Variants in EPS8 observed in about 807,000 individuals in gnomAD.
The protein encoded by EPS8 is epidermal growth factor receptor kinase substrate 8.
Under a neutral mutation model 103.8 loss-of-function variants are expected in EPS8, and 42 were observed. The ratio of observed to expected loss-of-function variants is 0.40; its 90% CI spans 0.32 to 0.52. EPS8 has a LOEUF of 0.52. EPS8 is among the 20% of genes least tolerant of loss of function. EPS8 has a pLI of 0.40. For missense variants in EPS8, 969 were observed against 1,005.1 expected (o/e 0.96, Z 0.49); for synonymous variants, 344 against 344.6 (o/e 1.00, Z 0.02).
At chr12:15,729,444 T>C (rs1946689324) in intron 1 of EPS8, among the ~76,000 whole-genome samples, 1 of 152,186 alleles carries the variant, frequency 6.6e-6, no homozygotes, top group Non-Finnish European at 1.5e-5. Context: ...TCTGTTTCAG[T>C]TTTTTCCTTC....
chr12:15,686,362 C>T (rs1213489052), intron 1 of EPS8, among the ~76,000 whole-genome samples: 8 of 152,244 alleles, frequency 5.3e-5, no homozygotes, highest in East Asian at 1.9e-4. Flanking sequence ...AAGTTATACA[C>T]AGATTTTTGA....
chr12:15,675,475 C>CT (rs1945887214), intron 3 of EPS8, among the ~76,000 whole-genome samples: 1 of 152,158 alleles, frequency 6.6e-6, no homozygotes. Flanking sequence ...TGGCACACGC[C>CT]TATAATCTCA....
At chr12:15,686,900 A>AT (rs914105600) in intron 1 of EPS8, among the ~76,000 whole-genome samples, 3 of 152,072 alleles carry the variant, frequency 2.0e-5, no homozygotes, top group Non-Finnish European at 2.9e-5. Context: ...AATATCACAG[A>AT]TTTTTTTATC....
intron 1 of EPS8, among the ~76,000 whole-genome samples, chr12:15,729,407 T>G (rs1946688683): frequency 6.6e-6 from 1 of 152,232 alleles, no homozygotes; most frequent in South Asian, 2.1e-4. Context: ...TTACACCTTT[T>G]GTAATTGTCT....
In EPS8 at chr12:15,776,719, A is replaced by G. The variant is rs150618328; in HGVS notation, c.-22+12442T>C. ...CAAAGTTCCCTAGATATAGCTTATG[A>G]AGAGCACAGTGTTAGTAAAAATGGC... On this transcript the variant is annotated intron_variant, in intron 1 of 20. Coordinates refer to ENST00000281172, the MANE Select transcript of EPS8 (RefSeq NM_004447.6). The surrounding 1 kb of genome is among the most constrained non-coding windows in gnomAD (Gnocchi z 4.2). Among the ~76,000 whole-genome samples the G allele has an allele frequency of 1.0e-3, 159 of 152,342 alleles. No homozygotes were observed. The highest frequency in any genetic ancestry group is 3.7e-3 in the African/African-American group (152 of 41,578).
At chr12:15,666,008 T>C in intron 7 of EPS8, 116 bp from the exon 8 acceptor site, 2 of 1,072,544 alleles carry the variant, frequency 1.9e-6, no homozygotes, top group South Asian at 1.6e-5. Context: ...CAAGGGACAA[T>C]AAGGATTTCC....
intron 1 of EPS8, among the ~76,000 whole-genome samples, chr12:15,691,864 G>T (rs992569209): frequency 4.6e-5 from 7 of 151,860 alleles, no homozygotes; most frequent in Non-Finnish European, 1.0e-4. Context: ...CCAACTCTTA[G>T]TGATCCTATG....
intron 3 of EPS8, among the ~76,000 whole-genome samples, chr12:15,677,822 T>C (rs1945935735): frequency 6.6e-6 from 1 of 152,154 alleles, no homozygotes; most frequent in Non-Finnish European, 1.5e-5. Context: ...CTCTGAGAGT[T>C]CTCAGAAAAT....
At position 15,727,625 on chromosome 12, in the gene EPS8, C is replaced by T. The variant is rs1049875817; in HGVS notation, c.-21-44653G>A. Among the ~76,000 whole-genome samples the T allele has an allele frequency of 6.6e-6, 1 of 152,074 alleles. No individual in the cohort carries two copies. The highest frequency in any genetic ancestry group is 1.5e-5 in the Non-Finnish European group (1 of 68,022). ...CTGTAATTCCAGCACCTTGGGAGGC[C>T]GAGGTGGGCGGATCACGAGGTCAGG... On this transcript the variant is annotated intron_variant, in intron 1 of 20. Coordinates refer to ENST00000281172, the MANE Select transcript of EPS8 (RefSeq NM_004447.6). This position sits in a 1 kb window ranked among gnomAD's most constrained non-coding sequence, Gnocchi z 4.3.
intron 1 of EPS8, among the ~76,000 whole-genome samples, chr12:15,722,330 C>G (rs534288951): frequency 2.0e-5 from 3 of 152,086 alleles, no homozygotes; most frequent in African/African-American, 7.2e-5. Flanking sequence ...AATTACCCCC[C>G]CCAAAAATTA....
In EPS8 at chr12:15,749,580, T is replaced by G. The variant is rs936259266; in HGVS notation, c.-22+39581A>C. Among the ~76,000 whole-genome samples, 8 of 152,198 alleles carry G rather than the reference T, an allele frequency of 5.3e-5. No individual in the cohort carries two copies. Among genetic ancestry groups the G allele is most frequent in the African/African-American group, 1.9e-4 (8 of 41,434 alleles). On this transcript the variant is annotated intron_variant, in intron 1 of 20. Transcript: ENST00000281172. The surrounding 1 kb of genome is among the most constrained non-coding windows in gnomAD (Gnocchi z 4.0). ...ATCTTCTTCACTCTGGCTGCGACTA[T>G]GCCTCACTCAGAGAAGGGACTCAAT...
At chr12:15,638,342 T>C (rs1040329274) in intron 17 of EPS8, among the ~76,000 whole-genome samples, 17 of 152,178 alleles carry the variant, frequency 1.1e-4, no homozygotes, top group Admixed American at 1.0e-3. Flanking sequence ...TTATGCCAGA[T>C]AGCAGATAGC....
At position 15,789,321 on chromosome 12, in the gene EPS8, C is replaced by G. The variant is rs534271813; in HGVS notation, c.-182G>C. 62 of 152,366 alleles carry G rather than the reference C, an allele frequency of 4.1e-4. No homozygotes were observed. Among genetic ancestry groups the G allele is most frequent in the African/African-American group, 1.4e-3 (57 of 41,586 alleles). The allele number at this position is 152,366 out of a possible 1,614,324, so 9.4% of individuals were successfully genotyped here. A position where few individuals can be genotyped will look rare whatever the true frequency, so the allele number is the denominator to read the frequency against. On this transcript the variant is annotated 5_prime_UTR_variant, in exon 1 of 21. Transcript: ENST00000281172. The surrounding 1 kb of genome is among the most constrained non-coding windows in gnomAD (Gnocchi z 6.1). The stretch of plus-strand genomic sequence containing the variant: ...GCACCCAGCTAAAGAGCAGCGATCT[C>G]CGAGGCGAGCACAGCGCCGGCCTCG...
chr12:15,631,642 G>C lies in EPS8; in HGVS notation c.1844C>G (p.Pro615Arg). 1.2e-6 allele frequency: 2 copies of C among 1,613,550 alleles called. No homozygotes were observed. The highest frequency in any genetic ancestry group is 1.7e-6 in the Non-Finnish European group (2 of 1,179,766). ...TIQKQRMEYG[P>R]RPADTPPAPS... ...AGCAGGGGGAGTATCAGCTGGTCTT[G>C]GGCCATACTCCATCCTTTGTTTCTA... The change falls in exon 18 of 21, where the codon CCA (proline) becomes CGA (arginine). Residue 615 changes from proline (P) to arginine (R), a missense_variant. Pro to Arg is a moderately radical substitution (Grantham distance 103). Transcript: ENST00000281172.
At position 15,764,836 on chromosome 12, in the gene EPS8, C is replaced by G. The variant is rs953533370; in HGVS notation, c.-22+24325G>C. 2.6e-5 allele frequency among the ~76,000 whole-genome samples: 4 copies of G among 152,218 alleles called. No homozygotes were observed. Among genetic ancestry groups the G allele is most frequent in the Admixed American group, 2.0e-4 (3 of 15,282 alleles). ...CTCATACTTTCTGGGGAATGAAGATCTAATACAAGTAATTCAATAAAAAAA... is the reference window on the plus strand; with the variant it reads ...CTCATACTTTCTGGGGAATGAAGATGTAATACAAGTAATTCAATAAAAAAA... On this transcript the variant is annotated intron_variant, in intron 1 of 20. Transcript: ENST00000281172. The surrounding 1 kb of genome is among the most constrained non-coding windows in gnomAD (Gnocchi z 4.1).
chr12:15,742,564 C>T (rs1159333424), intron 1 of EPS8, among the ~76,000 whole-genome samples: 2 of 152,202 alleles, frequency 1.3e-5, no homozygotes, highest in African/African-American at 2.4e-5. Context: ...TTATCCACCA[C>T]AATCAAGTTG....
In EPS8 at chr12:15,684,426, C is replaced by A. The variant is rs969388378; in HGVS notation, c.-21-1454G>T. 1 of 152,126 alleles carries A rather than the reference C, an allele frequency of 6.6e-6. No individual in the cohort carries two copies. Among genetic ancestry groups the A allele is most frequent in the African/African-American group, 2.4e-5 (1 of 41,434 alleles). 9.4% of individuals were successfully genotyped at this position (152,126 alleles called of 1,614,324 possible). On this transcript the variant is annotated intron_variant, in intron 1 of 20. Transcript: ENST00000281172. The surrounding 1 kb of genome is among the most constrained non-coding windows in gnomAD (Gnocchi z 4.9). The stretch of plus-strand genomic sequence containing the variant: ...ACCTGACTCTTCACTAAACTCTTAG[C>A]CCCCAAAAGGCTTGAATTTTTGTTT...
At chr12:15,624,102 T>C (rs1200583819) in intron 19 of EPS8, 125 bp downstream of exon 19, 3 of 700,514 alleles carry the variant, frequency 4.3e-6, no homozygotes, top group Non-Finnish European at 7.3e-6. Flanking sequence ...TTCTTGAGTA[T>C]GGCACAAAGT....
rs546100574 is a variant in EPS8, at chr12:15,782,437, G to A, written c.-22+6724C>T. On this transcript the variant is annotated intron_variant, in intron 1 of 20. Transcript: ENST00000281172. ...GATCACCTGGGCCTGGGTGGTTGAGGCTGCAGTAGGCCCAAGATGGCGCCA... is the reference window on the plus strand; with the variant it reads ...GATCACCTGGGCCTGGGTGGTTGAGACTGCAGTAGGCCCAAGATGGCGCCA... Among the ~76,000 whole-genome samples the A allele has an allele frequency of 2.6e-5, 4 of 152,228 alleles. No individual in the cohort carries two copies. The East Asian group carries it at 7.7e-4, about 29-fold the overall frequency.
Sources: allele counts gnomAD v4.1 joint callset (sites outside exome capture counted in the v4.1 genomes callset), GRCh38; gene constraint gnomAD v4.1.1; non-coding constraint Gnocchi (gnomAD v3.1); transcripts MANE v1.5; gene names NCBI Gene and HGNC (gene_info 2026-07-23, HGNC 2026-07-21).